The following AMER1 variants were observed in gnomAD, a reference collection of about 807,000 sequenced individuals.
AMER1 encodes the protein APC membrane recruitment protein 1.
AMER1 carries 16 observed loss-of-function variants against 53.0 expected under a neutral mutation model. That is an observed-to-expected ratio of 0.30 (90% CI 0.20 to 0.46). The LOEUF (loss-of-function observed/expected upper bound fraction) is 0.46. Ranked by LOEUF, AMER1 falls within the 20% of genes least tolerant of loss-of-function variation. AMER1 has a pLI of 1.00. For synonymous variants in AMER1, 354 were observed against 331.9 expected, an observed-to-expected ratio of 1.07 and a Z score of -0.73; for missense variants, 947 against 884.9, an observed-to-expected ratio of 1.07 and a Z score of -0.89.
At chrX:64,195,333 TG>T (rs1376751399) in intron 1 of AMER1, among the ~76,000 whole-genome samples, 1 of 111,836 alleles carries the variant, frequency 8.9e-6, no homozygotes, top group African/African-American at 3.3e-5. Flanking sequence ...ATAGGGGAGT[TG>T]GGGAGGCAGT....
intron 1 of AMER1, among the ~76,000 whole-genome samples, chrX:64,196,000 G>C (rs1930358300): frequency 1.8e-5 from 2 of 112,379 alleles, no homozygotes; most frequent in African/African-American, 6.5e-5. Flanking sequence ...TGGAGTTCCT[G>C]GGAACAGAGT....
At position 64,191,776 on chromosome X, in the gene AMER1, G is replaced by A. The variant is rs772566724; in HGVS notation, c.1511C>T (p.Ala504Val). The A allele has an allele frequency of 8.3e-7, 1 of 1,209,730 alleles. No homozygotes were observed. Among genetic ancestry groups the A allele is most frequent in the African/African-American group, 1.8e-5 (1 of 57,123 alleles). The change falls in exon 2 of 2, where the codon GCC becomes GTC. Residue 504 changes from alanine to valine, a missense_variant. Transcript: ENST00000374869. ...ATCTGGCTCATAGAACTCATATAGG[G>A]CATCTCCACTGTAGCTGTCTCGGGG... The part of the protein sequence containing the change: ...CLPRDSYSGD[A>V]LYEFYEPDDS...
intron 1 of AMER1, among the ~76,000 whole-genome samples, chrX:64,194,020 T>G (rs1048411691): frequency 8.9e-6 from 1 of 111,879 alleles, no homozygotes; most frequent in African/African-American, 3.3e-5. Context: ...ATCCACAAAG[T>G]AGGTCTGCAA....
At position 64,189,792 on chromosome X, in the gene AMER1, A is replaced by ATGGGGGG; in HGVS notation, c.*86_*87insCCCCCCA. 1.3e-6 allele frequency: 1 copy of ATGGGGGG among 746,958 alleles called. No homozygotes were observed. The highest frequency in any genetic ancestry group is 1.7e-6 in the Non-Finnish European group (1 of 590,413). 61.6% of individuals were successfully genotyped at this position (746,958 alleles called of 1,213,427 possible). A position where few individuals can be genotyped will look rare whatever the true frequency, so the allele number is the denominator to read the frequency against. On this transcript the variant is annotated 3_prime_UTR_variant, in exon 2 of 2. Transcript: ENST00000374869. Reference sequence around the variant, plus strand: ...CCAAAGGGTTTTCAAGTTAAACAACAACCCCCACCCCCCCACCCTTCTGCC... The same window carrying ATGGGGGG: ...CCAAAGGGTTTTCAAGTTAAACAACATGGGGGGACCCCCACCCCCCCACCCTTCTGCC...
chrX:64,188,798 T>G lies in AMER1; in HGVS notation c.*1081A>C. 1.2e-6 allele frequency: 1 copy of G among 805,058 alleles called. No individual in the cohort carries two copies. The highest frequency in any genetic ancestry group is 1.5e-6 in the Non-Finnish European group (1 of 670,620). 66.3% of individuals were successfully genotyped at this position (805,058 alleles called of 1,213,427 possible). ...CTCATTTTCTATCTTTCCCCTACAC[T>G]CCACAAAAACCCCAGCCCCTATAGT... On this transcript the variant is annotated 3_prime_UTR_variant, in exon 2 of 2. Coordinates refer to ENST00000374869, the MANE Select transcript of AMER1 (RefSeq NM_152424.4).
chrX:64,186,428 G>GAT lies in AMER1; in HGVS notation c.*3449_*3450dup, dbSNP rs756051704. The GAT allele has an allele frequency of 0.059, 32,037 of 543,372 alleles. 31 individuals carry two copies. Among genetic ancestry groups the GAT allele is most frequent in the Non-Finnish European group, 0.064 (28,165 of 438,212 alleles). 44.8% of individuals were successfully genotyped at this position (543,372 alleles called of 1,213,427 possible). A position where few individuals can be genotyped will look rare whatever the true frequency, so the allele number is the denominator to read the frequency against. The stretch of plus-strand genomic sequence containing the variant: ...ATATAAAAATAGATAATTGACTTTT[G>GAT]ATATATATATATATATATATTAAAA... On this transcript the variant is annotated 3_prime_UTR_variant, in exon 2 of 2. Transcript: ENST00000374869.
chrX:64,202,511 A>G (rs773399267), intron 1 of AMER1, among the ~76,000 whole-genome samples: 29 of 111,836 alleles, frequency 2.6e-4, no homozygotes, highest in Non-Finnish European at 4.9e-4. Context: ...AAGGATTCTC[A>G]TCTGTAAGCA....
Position 64,190,570 on chromosome X carries a change from A to C in AMER1, c.2717T>G (p.Leu906Arg). 1 of 1,211,486 alleles carries C rather than the reference A, an allele frequency of 8.3e-7. No individual in the cohort carries two copies. The highest frequency in any genetic ancestry group is 1.1e-6 in the Non-Finnish European group (1 of 895,283). The change falls in exon 2 of 2, where the codon CTC becomes CGC. Residue 906 changes from leucine to arginine, a missense_variant. Coordinates refer to ENST00000374869, the MANE Select transcript of AMER1 (RefSeq NM_152424.4). ...GCCCTGGACCAAGTGGGAATTGGAG[A>C]GCTCCATCTCCAGGGTCTCTGCAGT... ...LDTAETLEME[L>R]SNSHLVQGYL...
intron 1 of AMER1, among the ~76,000 whole-genome samples, chrX:64,195,313 G>A (rs1181660424): frequency 8.9e-6 from 1 of 111,883 alleles, no homozygotes; most frequent in Non-Finnish European, 1.9e-5. Flanking sequence ...TTATCGTCAC[G>A]GTGTTGGGGA....
At chrX:64,205,111 G>A (rs1930570560) in intron 1 of AMER1, among the ~76,000 whole-genome samples, 1 of 113,873 alleles carries the variant, frequency 8.8e-6, no homozygotes, top group Admixed American at 9.1e-5. Context: ...GGGAGGGGAG[G>A]GGCGGCAGCC....
chrX:64,204,231 T>C (rs1170672169), intron 1 of AMER1, among the ~76,000 whole-genome samples: 2 of 113,245 alleles, frequency 1.8e-5, no homozygotes, highest in Non-Finnish European at 3.8e-5. Flanking sequence ...AGTCCAACAG[T>C]GCAGTGCCCT....
Position 64,189,192 on chromosome X carries a change from CCTCT to C in AMER1, c.*683_*686del, listed in dbSNP as rs780705386. The C allele has an allele frequency of 1.4e-4, 111 of 798,616 alleles. No homozygotes were observed. Among genetic ancestry groups the C allele is most frequent in the Non-Finnish European group, 1.5e-4 (103 of 667,681 alleles). 65.8% of individuals were successfully genotyped at this position (798,616 alleles called of 1,213,427 possible). On this transcript the variant is annotated 3_prime_UTR_variant, in exon 2 of 2. Coordinates refer to ENST00000374869, the MANE Select transcript of AMER1 (RefSeq NM_152424.4). ...GGCTGTGAGACACACGCTACTTGAT[CCTCT>C]CTAAGGACAGCTAGCTGGGATGAAT... is the stretch of plus-strand genomic sequence containing the variant.
intron 1 of AMER1, among the ~76,000 whole-genome samples, chrX:64,197,788 C>T: frequency 8.9e-6 from 1 of 112,421 alleles, no homozygotes; most frequent in Non-Finnish European, 1.9e-5. Context: ...AGGGGAAATC[C>T]AGCAAGTTTT....
Position 64,185,470 on chromosome X carries a change from G to T in AMER1, c.*4409C>A. Reference sequence around the variant, plus strand: ...CCCACCCCCACCCCCATATACAGCAGGAAAAATAAGCACCAATAATAATAA... The same window carrying T: ...CCCACCCCCACCCCCATATACAGCATGAAAAATAAGCACCAATAATAATAA... On this transcript the variant is annotated 3_prime_UTR_variant, in exon 2 of 2. Coordinates refer to ENST00000374869, the MANE Select transcript of AMER1 (RefSeq NM_152424.4). 9.6e-6 allele frequency: 1 copy of T among 103,995 alleles called. No individual in the cohort carries two copies. Among genetic ancestry groups the T allele is most frequent in the Non-Finnish European group, 1.7e-5 (1 of 57,401 alleles). The allele number at this position is 103,995 out of a possible 1,213,427, so 8.6% of individuals were successfully genotyped here.
chrX:64,204,939 G>C (rs1396450033), intron 1 of AMER1, among the ~76,000 whole-genome samples: 1 of 113,313 alleles, frequency 8.8e-6, no homozygotes, highest in Non-Finnish European at 1.9e-5. Context: ...GGTTCTGAAG[G>C]GAAGTGTGCG....
At chrX:64,194,980 G>A (rs933902945) in intron 1 of AMER1, among the ~76,000 whole-genome samples, 1 of 111,887 alleles carries the variant, frequency 8.9e-6, no homozygotes, top group African/African-American at 3.3e-5. Context: ...GATAACAGCT[G>A]GTTATCCAGA....
At chrX:64,197,602 T>C (rs1488267552) in intron 1 of AMER1, among the ~76,000 whole-genome samples, 1 of 112,669 alleles carries the variant, frequency 8.9e-6, no homozygotes, top group Non-Finnish European at 1.9e-5. Context: ...TCCAGAGACA[T>C]GGCCTTGACC....
intron 1 of AMER1, among the ~76,000 whole-genome samples, chrX:64,202,262 G>T (rs186066890): frequency 8.9e-6 from 1 of 112,005 alleles, no homozygotes; most frequent in East Asian, 2.8e-4. Flanking sequence ...AGACCAAGAG[G>T]CAAAAGAGAC....
intron 1 of AMER1, among the ~76,000 whole-genome samples, chrX:64,204,261 G>A (rs1165264338): frequency 8.8e-6 from 1 of 113,623 alleles, no homozygotes; most frequent in East Asian, 2.8e-4. Flanking sequence ...CCATGCCCAC[G>A]CCGCTGCAGC....
Sources: gnomAD v4.1 joint callset for allele counts (sites outside exome capture counted in the v4.1 genomes callset) on GRCh38, gnomAD v4.1.1 for gene constraint, MANE v1.5 for transcripts, NCBI Gene and HGNC (gene_info 2026-07-23, HGNC 2026-07-21) for gene names.